The following KCNH8 variants were observed in gnomAD, a reference collection of about 807,000 sequenced individuals.
The protein encoded by KCNH8 is potassium voltage-gated channel subfamily H member 8.
In KCNH8, 70 loss-of-function variants were observed where a neutral mutation model predicts 103.6. The observed-to-expected ratio is 0.68, with a 90% confidence interval of 0.56 to 0.82. KCNH8 has a LOEUF of 0.82. Ranked by LOEUF, KCNH8 falls within the 40% of genes least tolerant of loss-of-function variation. The pLI is 0.00. For synonymous variants in KCNH8, 498 were observed against 489.4 expected (o/e 1.02, Z -0.23); for missense variants, 1,217 against 1,329.9 (o/e 0.92, Z 1.32).
At chr3:19,465,348 A>G (rs186240420) in intron 11 of KCNH8, among the ~76,000 whole-genome samples, 111 of 152,318 alleles carry the variant, frequency 7.3e-4, no homozygotes, top group African/African-American at 2.5e-3. Flanking sequence ...GATGTAGTAC[A>G]TCTGTTTACA....
At chr3:19,413,017 T>C (rs1166369768) in intron 7 of KCNH8, among the ~76,000 whole-genome samples, 2 of 152,064 alleles carry the variant, frequency 1.3e-5, no homozygotes, top group African/African-American at 4.8e-5. Flanking sequence ...TTACTGGATA[T>C]ATATCCAAAA....
intron 11 of KCNH8, among the ~76,000 whole-genome samples, chr3:19,496,398 C>T (rs1172488764): frequency 6.6e-6 from 1 of 152,098 alleles, no homozygotes; most frequent in Non-Finnish European, 1.5e-5. Flanking sequence ...AGGTTTTTAA[C>T]ATGAAGTGAT....
intron 10 of KCNH8, among the ~76,000 whole-genome samples, chr3:19,454,144 CTGTGTGTGTGTG>C (rs372400109): frequency 0.018 from 2,393 of 131,590 alleles, 44 homozygotes; most frequent in African/African-American, 0.045. Flanking sequence ...AGTAAGGCTT[CTGTGTGTGTGTG>C]TGTGTGTGTG....
At chr3:19,292,140 T>C (rs190587889) in intron 3 of KCNH8, among the ~76,000 whole-genome samples, 37 of 152,324 alleles carry the variant, frequency 2.4e-4, no homozygotes, top group Non-Finnish European at 4.6e-4. Flanking sequence ...CAGAGCCCAA[T>C]GAAATTATTT....
intron 1 of KCNH8, among the ~76,000 whole-genome samples, chr3:19,250,838 ATTC>A (rs1166314494): frequency 6.6e-6 from 1 of 152,186 alleles, no homozygotes; most frequent in Admixed American, 6.5e-5. Flanking sequence ...GATCATGCTT[ATTC>A]TTCTTTAAAT....
chr3:19,498,773 T>C (rs1428506862), intron 11 of KCNH8, among the ~76,000 whole-genome samples: 2 of 152,164 alleles, frequency 1.3e-5, no homozygotes, highest in African/African-American at 4.8e-5. Flanking sequence ...TGGATGTCCT[T>C]TCTGTTTGTT....
In KCNH8 at chr3:19,403,393, TATATATAAAATC is replaced by T. The variant is rs1267251595; in HGVS notation, c.1177+8083_1177+8094del. 3.8e-3 allele frequency among the ~76,000 whole-genome samples: 529 copies of T among 140,034 alleles called. 4 individuals carry two copies. Among genetic ancestry groups the T allele is most frequent in the Middle Eastern group, 0.015 (4 of 270 alleles). The allele number at this position is 140,034 out of a possible 152,430, so 91.9% of individuals were successfully genotyped here. On this transcript the variant is annotated intron_variant, in intron 7 of 15. Coordinates refer to ENST00000328405, the MANE Select transcript of KCNH8 (RefSeq NM_144633.3). Reference sequence around the variant, plus strand: ...ATATATATATATATATATATATATATATATATAAAATCCTTCTGTTTATGGTATTACTAAAGA... The same window carrying T: ...ATATATATATATATATATATATATATCTTCTGTTTATGGTATTACTAAAGA...
At chr3:19,236,463 G>A (rs1241052156) in intron 1 of KCNH8, among the ~76,000 whole-genome samples, 1 of 152,204 alleles carries the variant, frequency 6.6e-6, no homozygotes. Context: ...GGGGAGGGAA[G>A]TAAGAAGGAA....
At chr3:19,509,531 G>A (rs1384675309) in intron 11 of KCNH8, among the ~76,000 whole-genome samples, 4 of 152,112 alleles carry the variant, frequency 2.6e-5, no homozygotes, top group Non-Finnish European at 5.9e-5. Flanking sequence ...ATCATGGTAG[G>A]TGCATGTTTT....
chr3:19,242,161 G>A (rs1366389068), intron 1 of KCNH8, among the ~76,000 whole-genome samples: 1 of 152,172 alleles, frequency 6.6e-6, no homozygotes, highest in Non-Finnish European at 1.5e-5. Context: ...CTCATTCCAA[G>A]TGCAATGGAA....
chr3:19,284,536 TGTGTGTGTGTGTGTGTGA>T (rs1405285576), intron 3 of KCNH8, among the ~76,000 whole-genome samples: 4 of 150,038 alleles, frequency 2.7e-5, no homozygotes, highest in African/African-American at 9.9e-5. Flanking sequence ...TGTGTGTGTG[TGTGTGTGTGTGTGTGTGA>T]GGGAGAGAGA....
intron 2 of KCNH8, among the ~76,000 whole-genome samples, chr3:19,256,257 G>A (rs1030066705): frequency 6.6e-6 from 1 of 152,118 alleles, no homozygotes; most frequent in African/African-American, 2.4e-5. Flanking sequence ...CCCTGATGAT[G>A]TGGATTTTGG....
chr3:19,312,471 C>G (rs185474651), intron 3 of KCNH8, among the ~76,000 whole-genome samples: 172 of 151,944 alleles, frequency 1.1e-3, no homozygotes, highest in African/African-American at 3.3e-3. Flanking sequence ...CTTGAGTTTC[C>G]TCGTACATAC....
At chr3:19,163,391 T>C (rs987747430) in intron 1 of KCNH8, among the ~76,000 whole-genome samples, 1 of 150,780 alleles carries the variant, frequency 6.6e-6, no homozygotes, top group Non-Finnish European at 1.5e-5. Context: ...TAAAACCAAA[T>C]ACTTAAAGAA....
chr3:19,486,399 G>C (rs1349732965), intron 11 of KCNH8, among the ~76,000 whole-genome samples: 2 of 152,188 alleles, frequency 1.3e-5, no homozygotes, highest in African/African-American at 4.8e-5. Context: ...ACCACAGCAT[G>C]GGGGGCTTTT....
intron 4 of KCNH8, among the ~76,000 whole-genome samples, chr3:19,344,749 T>G (rs1195301874): frequency 6.6e-6 from 1 of 152,114 alleles, no homozygotes; most frequent in East Asian, 1.9e-4. Flanking sequence ...GTAATAACAT[T>G]TGCACACACA....
chr3:19,410,777 G>A (rs988584467), intron 7 of KCNH8, among the ~76,000 whole-genome samples: 2 of 150,870 alleles, frequency 1.3e-5, no homozygotes, highest in Non-Finnish European at 1.5e-5. Context: ...ATAAATTCTT[G>A]GAAAGATAAA....
chr3:19,405,945 T>C (rs1288542620), intron 7 of KCNH8, among the ~76,000 whole-genome samples: 1 of 152,028 alleles, frequency 6.6e-6, no homozygotes, highest in East Asian at 1.9e-4. Context: ...TAAAGTATAG[T>C]TTTATGTTTC....
chr3:19,344,770 C>T (rs1220773338), intron 4 of KCNH8, among the ~76,000 whole-genome samples: 1 of 152,062 alleles, frequency 6.6e-6, no homozygotes, highest in African/African-American at 2.4e-5. Context: ...AAAAATAATT[C>T]TTAACATTTT....
Sources: gnomAD v4.1 joint callset for allele counts (sites outside exome capture counted in the v4.1 genomes callset) on GRCh38, gnomAD v4.1.1 for gene constraint, MANE v1.5 for transcripts, NCBI Gene and HGNC (gene_info 2026-07-23, HGNC 2026-07-21) for gene names.